SHANK2: variants seen among roughly 807,000 people sequenced by gnomAD.
The protein encoded by SHANK2 is SH3 and multiple ankyrin repeat domains protein 2.
Under a neutral mutation model 133.7 loss-of-function variants are expected in SHANK2, and 43 were observed. The observed-to-expected ratio is 0.32, with a 90% confidence interval of 0.25 to 0.41. The LOEUF is 0.41. Among genes scored for constraint, SHANK2 ranks in the 10% least tolerant of loss-of-function variants. SHANK2 has a pLI of 1.00. For missense variants in SHANK2, 1,994 were observed against 2,235.8 expected (o/e 0.89, Z 2.18); for synonymous variants, 1,017 against 952.8 (o/e 1.07, Z -1.24).
At chr11:70,748,347 T>C (rs1946685624) in intron 14 of SHANK2, among the ~76,000 whole-genome samples, 1 of 152,124 alleles carries the variant, frequency 6.6e-6, no homozygotes, top group Non-Finnish European at 1.5e-5. Context: ...AAGGTCCTTT[T>C]GGCAAGAGTG....
chr11:70,795,686 G>A (rs1319765538), intron 14 of SHANK2, among the ~76,000 whole-genome samples: 1 of 152,184 alleles, frequency 6.6e-6, no homozygotes, highest in Non-Finnish European at 1.5e-5. Context: ...GATTACAGGT[G>A]TGAGTCACTG....
intron 11 of SHANK2, among the ~76,000 whole-genome samples, chr11:70,862,619 ATGGAC>A (rs1331006140): frequency 7.3e-5 from 11 of 150,956 alleles, no homozygotes; most frequent in African/African-American, 2.0e-4. Context: ...GGACTGGCTG[ATGGAC>A]TGGACTGGAC....
At chr11:71,240,324 G>A (rs1205177532) in intron 1 of SHANK2, among the ~76,000 whole-genome samples, 2 of 152,184 alleles carry the variant, frequency 1.3e-5, no homozygotes, top group Non-Finnish European at 2.9e-5. Context: ...CTGGGGTCCT[G>A]CCCACACTCG....
intron 13 of SHANK2, among the ~76,000 whole-genome samples, chr11:70,802,818 T>C: frequency 6.6e-6 from 1 of 152,318 alleles, no homozygotes; most frequent in Middle Eastern, 3.4e-3. Flanking sequence ...GTCATGGGCT[T>C]AGTTTTTTGC....
intron 14 of SHANK2, among the ~76,000 whole-genome samples, chr11:70,734,786 T>C (rs1348048919): frequency 6.6e-6 from 1 of 152,218 alleles, no homozygotes; most frequent in African/African-American, 2.4e-5. Context: ...GAATGGCTGC[T>C]GGCCCCGAGG....
At chr11:70,948,718 A>G (rs1367474310) in intron 10 of SHANK2, among the ~76,000 whole-genome samples, 3 of 152,190 alleles carry the variant, frequency 2.0e-5, no homozygotes, top group Admixed American at 2.0e-4. Context: ...CAGCCTTTCC[A>G]GAGGGGCCAC....
chr11:70,697,829 C>A (rs1302976445), intron 15 of SHANK2, among the ~76,000 whole-genome samples: 4 of 152,184 alleles, frequency 2.6e-5, no homozygotes, highest in Admixed American at 1.3e-4. Flanking sequence ...AGAAGGGGCT[C>A]CTCAGCCAGC....
At chr11:71,245,049 C>T (rs1591049504) in intron 1 of SHANK2, among the ~76,000 whole-genome samples, 1 of 151,840 alleles carries the variant, frequency 6.6e-6, no homozygotes, top group Non-Finnish European at 1.5e-5. Context: ...GGCGTGATCA[C>T]GGCTCACTGC....
At chr11:70,870,616 G>A (rs1203447420) in intron 11 of SHANK2, among the ~76,000 whole-genome samples, 2 of 152,144 alleles carry the variant, frequency 1.3e-5, no homozygotes, top group Non-Finnish European at 2.9e-5. Flanking sequence ...ACTGGGGACT[G>A]CAGGGAGACT....
At chr11:70,587,168 A>G (rs782429184) in intron 17 of SHANK2, among the ~76,000 whole-genome samples, 6 of 152,306 alleles carry the variant, frequency 3.9e-5, no homozygotes, top group Non-Finnish European at 8.8e-5. Flanking sequence ...TGCCGTACAG[A>G]GTTCCACGGC....
intron 9 of SHANK2, among the ~76,000 whole-genome samples, chr11:71,073,526 G>C (rs1951177511): frequency 6.6e-6 from 1 of 151,922 alleles, no homozygotes; most frequent in African/African-American, 2.4e-5. Flanking sequence ...CAGTGCAGTG[G>C]CATGATCTTG....
chr11:71,182,717 G>A (rs782464691), intron 2 of SHANK2, among the ~76,000 whole-genome samples: 10 of 152,142 alleles, frequency 6.6e-5, no homozygotes, highest in African/African-American at 2.2e-4. Context: ...TTCTCAGGTC[G>A]AGGGGTTAGG....
intron 9 of SHANK2, among the ~76,000 whole-genome samples, chr11:71,058,428 A>G (rs1027931379): frequency 6.6e-6 from 1 of 152,158 alleles, no homozygotes; most frequent in African/African-American, 2.4e-5. Flanking sequence ...GCAAATAACT[A>G]CTAATAAAAA....
intron 11 of SHANK2, among the ~76,000 whole-genome samples, chr11:70,876,618 CACACAT>C (rs1949570781): frequency 4.3e-5 from 6 of 138,066 alleles, no homozygotes; most frequent in Admixed American, 4.1e-4. Context: ...CACGCACACA[CACACAT>C]GCATACACAT....
intron 10 of SHANK2, among the ~76,000 whole-genome samples, chr11:70,941,960 A>G (rs1446586392): frequency 1.3e-5 from 2 of 152,084 alleles, no homozygotes; most frequent in Non-Finnish European, 2.9e-5. Context: ...TTGAGGGGCC[A>G]AGGTGGATGG....
Position 70,831,302 on chromosome 11 carries a change from T to C in SHANK2, c.1175-10620A>G, listed in dbSNP as rs116152533. ...AGTCTGTTTGTTGTCCATGGACAGA[T>C]GAAAAACCAGGAGGAAAGAGGAGAG... On this transcript the variant is annotated intron_variant, in intron 11 of 25. Transcript: ENST00000601538. Among the ~76,000 whole-genome samples the C allele has an allele frequency of 7.8e-3, 1,185 of 152,190 alleles. 17 individuals are homozygous for C. Among genetic ancestry groups the C allele is most frequent in the African/African-American group, 0.027 (1,106 of 41,508 alleles).
intron 2 of SHANK2, among the ~76,000 whole-genome samples, chr11:71,205,798 C>T (rs1305896760): frequency 6.6e-6 from 1 of 152,098 alleles, no homozygotes; most frequent in African/African-American, 2.4e-5. Context: ...TGGCAGAGTC[C>T]ACAGGGTCAC....
At chr11:70,721,970 C>T (rs1946083343) in intron 14 of SHANK2, among the ~76,000 whole-genome samples, 3 of 152,230 alleles carry the variant, frequency 2.0e-5, no homozygotes, top group South Asian at 2.1e-4. Flanking sequence ...TGGCAGGGCC[C>T]GTCGAGGTGT....
At chr11:70,655,900 C>T (rs1273284791) in intron 17 of SHANK2, among the ~76,000 whole-genome samples, 14 of 152,150 alleles carry the variant, frequency 9.2e-5, no homozygotes, top group African/African-American at 2.7e-4. Flanking sequence ...GCCCAGCTCT[C>T]GCCTCATGAT....
Sources: allele counts gnomAD v4.1 joint callset (sites outside exome capture counted in the v4.1 genomes callset), GRCh38; gene constraint gnomAD v4.1.1; transcripts MANE v1.5; gene names NCBI Gene and HGNC (gene_info 2026-07-23, HGNC 2026-07-21).